Variants in FREM2 observed in about 807,000 individuals in gnomAD.
FREM2 encodes the protein FRAS1-related extracellular matrix protein 2.
A neutral mutation model predicts 219.9 loss-of-function variants in FREM2; 119 were observed. The ratio of observed to expected loss-of-function variants is 0.54; its 90% confidence interval spans 0.47 to 0.63. The LOEUF is 0.63. FREM2 is among the 30% of genes least tolerant of loss of function. The pLI, the probability that FREM2 is intolerant of heterozygous loss-of-function variation, is 0.00. For missense variants in FREM2, 4,030 were observed against 3,993.6 expected, an observed-to-expected ratio of 1.01 and a Z score of -0.25; for synonymous variants, 1,562 against 1,522.8, an observed-to-expected ratio of 1.03 and a Z score of -0.60.
At chr13:38,754,883 G>GATTATTATT (rs1410276058) in intron 2 of FREM2, among the ~76,000 whole-genome samples, 3 of 83,942 alleles carry the variant, frequency 3.6e-5, no homozygotes, top group Non-Finnish European at 7.6e-5. Context: ...TGATGATGAT[G>GATTATTATT]ATGATGATGA....
chr13:38,753,812 C>G (rs186094248), intron 2 of FREM2, among the ~76,000 whole-genome samples: 8 of 152,212 alleles, frequency 5.3e-5, no homozygotes, highest in Non-Finnish European at 1.0e-4. Flanking sequence ...GTGTAAGCTC[C>G]CAATTAGGAA....
At chr13:38,710,137 T>C (rs9548434) in intron 2 of FREM2, among the ~76,000 whole-genome samples, 18,179 of 151,326 alleles carry the variant, frequency 0.12, 1,278 homozygotes, top group Middle Eastern at 0.24. Context: ...TGAGCCGAGA[T>C]TGCGCGACTG....
chr13:38,762,787 A>G (rs1241285953), intron 2 of FREM2, among the ~76,000 whole-genome samples: 2 of 152,202 alleles, frequency 1.3e-5, no homozygotes, highest in South Asian at 2.1e-4. Context: ...AGGAAAGTCC[A>G]TAATCCCATC....
intron 2 of FREM2, among the ~76,000 whole-genome samples, chr13:38,700,883 A>G (rs191873673): frequency 6.6e-6 from 1 of 152,234 alleles, no homozygotes; most frequent in African/African-American, 2.4e-5. Flanking sequence ...GGATAGACAA[A>G]GAGCTTTGTG....
intron 2 of FREM2, among the ~76,000 whole-genome samples, chr13:38,754,883 G>GATTATT (rs1410276058): frequency 1.8e-3 from 150 of 83,960 alleles, no homozygotes; most frequent in South Asian, 4.8e-3. Flanking sequence ...TGATGATGAT[G>GATTATT]ATGATGATGA....
chr13:38,861,775 G>A (rs1877772374), intron 15 of FREM2, among the ~76,000 whole-genome samples: 1 of 152,190 alleles, frequency 6.6e-6, no homozygotes, highest in Admixed American at 6.5e-5. Context: ...TTAGGTAGAT[G>A]TAATACATAT....
chr13:38,805,237 A>C (rs553942615), intron 6 of FREM2, among the ~76,000 whole-genome samples: 1 of 151,070 alleles, frequency 6.6e-6, no homozygotes, highest in Non-Finnish European at 1.5e-5. Context: ...ACGTGAAAAG[A>C]AATGTAGGGT....
At chr13:38,870,462 T>A (rs1335848033) in intron 16 of FREM2, among the ~76,000 whole-genome samples, 1 of 152,222 alleles carries the variant, frequency 6.6e-6, no homozygotes, top group Non-Finnish European at 1.5e-5. Flanking sequence ...CAGATATTTA[T>A]TTCAGTATAA....
intron 6 of FREM2, among the ~76,000 whole-genome samples, chr13:38,785,464 C>T (rs1352656753): frequency 6.6e-6 from 1 of 152,188 alleles, no homozygotes. Flanking sequence ...GTAAGTAAAG[C>T]AGAGAGCAGT....
chr13:38,755,030 G>C (rs2137798826), intron 2 of FREM2, among the ~76,000 whole-genome samples: 1 of 152,036 alleles, frequency 6.6e-6, no homozygotes, highest in East Asian at 1.9e-4. Context: ...AGCCTCCTGA[G>C]TATTTGAGAT....
At chr13:38,809,824 A>C (rs1419357778) in intron 6 of FREM2, among the ~76,000 whole-genome samples, 1 of 151,984 alleles carries the variant, frequency 6.6e-6, no homozygotes, top group Non-Finnish European at 1.5e-5. Flanking sequence ...GTCTTTTGTG[A>C]TTCCATATAA....
chr13:38,711,000 G>A (rs1870748770), intron 2 of FREM2, among the ~76,000 whole-genome samples: 1 of 152,196 alleles, frequency 6.6e-6, no homozygotes, highest in African/African-American at 2.4e-5. Context: ...CCCTAGGTAT[G>A]TTTCTAGTGT....
chr13:38,807,050 C>CT (rs1402292965), intron 6 of FREM2, among the ~76,000 whole-genome samples: 1 of 150,410 alleles, frequency 6.6e-6, no homozygotes, highest in Non-Finnish European at 1.5e-5. Flanking sequence ...AGCTCTCTTG[C>CT]TTTTTTTGCC....
intron 6 of FREM2, among the ~76,000 whole-genome samples, chr13:38,809,694 A>T (rs114828063): frequency 2.6e-5 from 4 of 151,802 alleles, no homozygotes; most frequent in African/African-American, 9.7e-5. Flanking sequence ...GTGTCTGTAG[A>T]TAGTACCAAG....
intron 2 of FREM2, among the ~76,000 whole-genome samples, chr13:38,747,054 A>G (rs1205257225): frequency 6.6e-6 from 1 of 152,114 alleles, no homozygotes; most frequent in African/African-American, 2.4e-5. Flanking sequence ...TACATTTAGT[A>G]CAGCATCTGT....
In FREM2 at chr13:38,883,911, A is replaced by T. The variant is rs1211776463; in HGVS notation, c.*3124A>T. 1 of 152,212 alleles carries T rather than the reference A, an allele frequency of 6.6e-6. No individual in the cohort carries two copies. The highest frequency in any genetic ancestry group is 2.4e-5 in the African/African-American group (1 of 41,450). The allele number at this position is 152,212 out of a possible 1,614,324, so 9.4% of individuals were successfully genotyped here. ...AATGATTCAAACCAGTAACTTAGTA[A>T]AATTGACCTTCGCAAAACCTCACTG... On this transcript the variant is annotated 3_prime_UTR_variant, in exon 24 of 24. Transcript: ENST00000280481.
At chr13:38,767,002 T>C (rs992325944) in intron 3 of FREM2, among the ~76,000 whole-genome samples, 1 of 152,172 alleles carries the variant, frequency 6.6e-6, no homozygotes, top group Non-Finnish European at 1.5e-5. Context: ...CTAGGTCAAC[T>C]CCATGAGAAG....
At chr13:38,852,366 GT>G (rs1877403107) in intron 11 of FREM2, among the ~76,000 whole-genome samples, 1 of 152,132 alleles carries the variant, frequency 6.6e-6, no homozygotes. Flanking sequence ...GGGTATATGT[GT>G]TAGGACTTAG....
intron 2 of FREM2, among the ~76,000 whole-genome samples, chr13:38,749,993 C>T (rs903137191): frequency 2.0e-5 from 3 of 152,102 alleles, no homozygotes; most frequent in Non-Finnish European, 4.4e-5. Context: ...CACACTGATC[C>T]TCATTTTCTT....
Sources: gnomAD v4.1 joint callset for allele counts (sites outside exome capture counted in the v4.1 genomes callset) on GRCh38, gnomAD v4.1.1 for gene constraint, MANE v1.5 for transcripts, NCBI Gene and HGNC (gene_info 2026-07-23, HGNC 2026-07-21) for gene names.